Variants in CCDC60 observed in about 807,000 individuals in gnomAD.
CCDC60 encodes coiled-coil domain containing 60.
In CCDC60, 54 loss-of-function variants were observed where a neutral mutation model predicts 63.5. The observed-to-expected ratio is 0.85, with a 90% confidence interval of 0.68 to 1.07. The LOEUF is 1.07. CCDC60 is among the 50% of genes least tolerant of loss of function. The pLI is 0.00. For synonymous variants in CCDC60, 206 were observed against 238.8 expected, an observed-to-expected ratio of 0.86 and a Z score of 1.27; for missense variants, 651 against 684.3, an observed-to-expected ratio of 0.95 and a Z score of 0.54.
At chr12:119,458,637 C>T (rs1950793335) in intron 2 of CCDC60, among the ~76,000 whole-genome samples, 1 of 152,180 alleles carries the variant, frequency 6.6e-6, no homozygotes, top group African/African-American at 2.4e-5. Context: ...TCCTAGTTTT[C>T]TTTAGGGCCC....
chr12:119,457,088 A>G (rs1170213229), intron 2 of CCDC60, among the ~76,000 whole-genome samples: 1 of 152,186 alleles, frequency 6.6e-6, no homozygotes, highest in Non-Finnish European at 1.5e-5. Flanking sequence ...TTGCCACCCT[A>G]GAGTGATTTC....
chr12:119,460,491 C>T lies in CCDC60; in HGVS notation c.171-11503C>T, dbSNP rs377120825. 2.4e-4 allele frequency among the ~76,000 whole-genome samples: 36 copies of T among 152,246 alleles called. No individual in the cohort carries two copies. The Middle Eastern group carries it at 0.017, about 72-fold the overall frequency. ...GTGCATTTTACAATGGATGATGCAC[C>T]AGTCAGCTATTTTCATCATGATGCT... On this transcript the variant is annotated intron_variant, in intron 2 of 13. Coordinates refer to ENST00000327554, the MANE Select transcript of CCDC60 (RefSeq NM_178499.5).
chr12:119,376,810 T>A (rs1308927122), intron 1 of CCDC60, among the ~76,000 whole-genome samples: 1 of 152,072 alleles, frequency 6.6e-6, no homozygotes, highest in East Asian at 1.9e-4. Context: ...GTATAAGTAG[T>A]TGGGGCTGGG....
chr12:119,431,981 T>C (rs1290779165), intron 2 of CCDC60, among the ~76,000 whole-genome samples: 3 of 152,106 alleles, frequency 2.0e-5, no homozygotes, highest in Non-Finnish European at 4.4e-5. Flanking sequence ...GCCCGGCCCT[T>C]TGTTTTTAAA....
Position 119,527,726 on chromosome 12 carries a change from G to A in CCDC60, c.1230-889G>A, listed in dbSNP as rs1479124049. On this transcript the variant is annotated intron_variant, in intron 11 of 13. Transcript: ENST00000327554. ...GAGTCTCGCTCTGTCGCCCAGGCTA[G>A]AGTGCAGTGGCGCAATCTCGGCTCA... is the stretch of plus-strand genomic sequence containing the variant. Among the ~76,000 whole-genome samples, 10 of 131,350 alleles carry A rather than the reference G, an allele frequency of 7.6e-5. No individual in the cohort carries two copies. The Admixed American group carries it at 8.6e-4, about 11-fold the overall frequency. The allele number at this position is 131,350 out of a possible 152,430, so 86.2% of individuals were successfully genotyped here.
chr12:119,351,350 T>C (rs2136153748), intron 1 of CCDC60, among the ~76,000 whole-genome samples: 1 of 152,306 alleles, frequency 6.6e-6, no homozygotes. Context: ...GAGCCCTCAG[T>C]CCATACCATC....
chr12:119,473,689 A>C (rs993680633), intron 3 of CCDC60, among the ~76,000 whole-genome samples: 5 of 152,138 alleles, frequency 3.3e-5, no homozygotes, highest in Non-Finnish European at 7.4e-5. Context: ...CCCACTTATG[A>C]ATGAGAATAT....
At chr12:119,418,783 T>C (rs1337100196) in intron 1 of CCDC60, among the ~76,000 whole-genome samples, 1 of 152,176 alleles carries the variant, frequency 6.6e-6, no homozygotes, top group Non-Finnish European at 1.5e-5. Flanking sequence ...TTGTCTCCAG[T>C]CCAGCATTCA....
At chr12:119,401,798 T>A (rs1956397150) in intron 1 of CCDC60, among the ~76,000 whole-genome samples, 1 of 152,226 alleles carries the variant, frequency 6.6e-6, no homozygotes, top group Non-Finnish European at 1.5e-5. Flanking sequence ...TGCTAATTAA[T>A]TCTTGTAACG....
intron 1 of CCDC60, among the ~76,000 whole-genome samples, chr12:119,388,946 C>T (rs945182362): frequency 3.9e-5 from 6 of 152,196 alleles, no homozygotes; most frequent in African/African-American, 1.4e-4. Flanking sequence ...TAGGGATCAG[C>T]TCTGTTTTGA....
At chr12:119,499,897 A>C (rs1393544025) in intron 5 of CCDC60, among the ~76,000 whole-genome samples, 181 bp from the exon 6 acceptor site, 2 of 152,068 alleles carry the variant, frequency 1.3e-5, no homozygotes, top group East Asian at 3.9e-4. Flanking sequence ...CCTCGATTTC[A>C]CTCAAAAGAG....
At chr12:119,512,131 A>G (rs1403585197) in intron 7 of CCDC60, among the ~76,000 whole-genome samples, 2 of 152,168 alleles carry the variant, frequency 1.3e-5, no homozygotes, top group Non-Finnish European at 2.9e-5. Flanking sequence ...GTGGATGTAC[A>G]CAACACACAA....
At chr12:119,417,831 C>G (rs981813490) in intron 1 of CCDC60, among the ~76,000 whole-genome samples, 5 of 152,314 alleles carry the variant, frequency 3.3e-5, no homozygotes, top group Non-Finnish European at 7.4e-5. Context: ...CCAACTTCAT[C>G]CAAGCTCCCA....
At chr12:119,462,176 G>A (rs1481871000) in intron 2 of CCDC60, among the ~76,000 whole-genome samples, 3 of 152,188 alleles carry the variant, frequency 2.0e-5, no homozygotes, top group African/African-American at 7.2e-5. Flanking sequence ...TCTTTCTGTG[G>A]AGTTAATTGA....
rs896975903 is a variant in CCDC60 at position 119,366,789 on chromosome 12, G to A, written c.90+31523G>A. On this transcript the variant is annotated intron_variant, in intron 1 of 13. Coordinates refer to ENST00000327554, the MANE Select transcript of CCDC60 (RefSeq NM_178499.5). ...GTACCCGTGGGATCAAGACGAGCCA[G>A]AGGATACCTCCTAAGTAAGAACAGA... 6.6e-5 allele frequency among the ~76,000 whole-genome samples: 10 copies of A among 152,302 alleles called. No homozygotes were observed. The East Asian group carries it at 9.7e-4, about 15-fold the overall frequency.
intron 1 of CCDC60, among the ~76,000 whole-genome samples, chr12:119,416,433 G>A (rs927982570): frequency 6.6e-6 from 1 of 150,848 alleles, no homozygotes; most frequent in African/African-American, 2.5e-5. Flanking sequence ...CAAACAGGGA[G>A]GTCTCATTCA....
chr12:119,513,684 A>C (rs967090964), intron 7 of CCDC60, among the ~76,000 whole-genome samples: 1 of 152,228 alleles, frequency 6.6e-6, no homozygotes, highest in Non-Finnish European at 1.5e-5. Context: ...TGGTCCCATA[A>C]GATTAGAGTG....
intron 7 of CCDC60, among the ~76,000 whole-genome samples, chr12:119,507,352 CAGA>C (rs1227115532): frequency 1.3e-5 from 2 of 150,976 alleles, no homozygotes; most frequent in African/African-American, 4.9e-5. Flanking sequence ...GTTTTCTGAA[CAGA>C]AGAAGTAGTA....
intron 9 of CCDC60, 69 bp downstream of exon 9, chr12:119,520,261 G>C (rs897150680): frequency 3.7e-6 from 5 of 1,363,522 alleles, no homozygotes; most frequent in Non-Finnish European, 5.2e-6. Context: ...CCACTGCAGG[G>C]ATGCTCCTCC....
Sources: allele counts gnomAD v4.1 joint callset (sites outside exome capture counted in the v4.1 genomes callset), GRCh38; gene constraint gnomAD v4.1.1; transcripts MANE v1.5; gene names NCBI Gene and HGNC (gene_info 2026-07-23, HGNC 2026-07-21).